NCKAP5: variants seen among roughly 807,000 people sequenced by gnomAD.
The protein encoded by NCKAP5 is NCK associated protein 5.
Under a neutral mutation model 167.0 loss-of-function variants are expected in NCKAP5, and 92 were observed. That is an observed-to-expected ratio of 0.55 (90% CI 0.47 to 0.66). The LOEUF (loss-of-function observed/expected upper bound fraction) is 0.66. Among genes scored for constraint, NCKAP5 ranks in the 30% least tolerant of loss-of-function variants. The probability of loss-of-function intolerance (pLI) is 0.00; values close to 1 mark genes in which losing one functional copy is unlikely to be tolerated. For missense variants in NCKAP5, 2,378 were observed against 2,315.0 expected, an observed-to-expected ratio of 1.03 and a Z score of -0.56; for synonymous variants, 891 against 877.4, an observed-to-expected ratio of 1.02 and a Z score of -0.27.
At chr2:132,907,181 C>A (rs1245069757) in intron 8 of NCKAP5, among the ~76,000 whole-genome samples, 1 of 152,150 alleles carries the variant, frequency 6.6e-6, no homozygotes, top group Non-Finnish European at 1.5e-5. Context: ...TAAGGAAATA[C>A]AAATACCTAG....
intron 4 of NCKAP5, among the ~76,000 whole-genome samples, chr2:133,228,871 G>A (rs528482874): frequency 6.6e-6 from 1 of 152,254 alleles, no homozygotes; most frequent in East Asian, 1.9e-4. Context: ...ATCAAATCGT[G>A]ACCAAATGTG....
At chr2:133,493,224 A>G (rs963097418) in intron 3 of NCKAP5, among the ~76,000 whole-genome samples, 1 of 152,176 alleles carries the variant, frequency 6.6e-6, no homozygotes, top group African/African-American at 2.4e-5. Context: ...TTGCTGTTAC[A>G]CTTCAGTGTG....
rs530443231 is a variant in NCKAP5 at position 133,219,395 on chromosome 2, G to A, written c.144-5616C>T. On this transcript the variant is annotated intron_variant, in intron 4 of 19. Coordinates refer to ENST00000409261, the MANE Select transcript of NCKAP5 (RefSeq NM_207363.3). ...AAATGTCTTTTGGGGACCATGCTCC[G>A]TAATTGTTTTAAGACATTTATGCAG... Among the ~76,000 whole-genome samples, 8 of 152,280 alleles carry A rather than the reference G, an allele frequency of 5.3e-5. No homozygotes were observed. The East Asian group carries it at 1.4e-3, about 26-fold the overall frequency.
chr2:133,341,141 C>A (rs1187635863), intron 3 of NCKAP5, among the ~76,000 whole-genome samples: 14 of 151,988 alleles, frequency 9.2e-5, no homozygotes, highest in Admixed American at 9.2e-4. Flanking sequence ...CTCCTACAAC[C>A]ACATTCTTTT....
intron 3 of NCKAP5, among the ~76,000 whole-genome samples, chr2:133,384,346 C>T (rs1454323811): frequency 1.2e-4 from 18 of 152,202 alleles, no homozygotes; most frequent in Non-Finnish European, 1.8e-4. Context: ...TTGTCAGGTT[C>T]GTCAAAGATC....
At chr2:133,101,223 C>A (rs372413053) in intron 6 of NCKAP5, among the ~76,000 whole-genome samples, 1 of 143,412 alleles carries the variant, frequency 7.0e-6, no homozygotes, top group Non-Finnish European at 1.5e-5. Context: ...AGATATGTGG[C>A]GTTATTTCTG....
At chr2:133,362,829 C>T (rs1219613584) in intron 3 of NCKAP5, among the ~76,000 whole-genome samples, 2 of 152,160 alleles carry the variant, frequency 1.3e-5, no homozygotes, top group Non-Finnish European at 2.9e-5. Context: ...TCTCAGCTCA[C>T]TGCAAGCTCT....
chr2:133,236,365 A>G (rs1210785217), intron 4 of NCKAP5, among the ~76,000 whole-genome samples: 1 of 152,178 alleles, frequency 6.6e-6, no homozygotes, highest in African/African-American at 2.4e-5. Flanking sequence ...CATAACTACT[A>G]TGAATAAGGA....
At chr2:133,293,446 T>G (rs555626078) in intron 4 of NCKAP5, among the ~76,000 whole-genome samples, 130 of 152,248 alleles carry the variant, frequency 8.5e-4, no homozygotes, top group African/African-American at 3.0e-3. Context: ...TGCAAGGTGA[T>G]ATCTTCTGGG....
intron 3 of NCKAP5, among the ~76,000 whole-genome samples, chr2:133,309,183 T>C (rs1237879100): frequency 6.6e-6 from 1 of 152,188 alleles, no homozygotes; most frequent in Non-Finnish European, 1.5e-5. Context: ...TATGGGCTAA[T>C]TTAATTTTCT....
intron 5 of NCKAP5, among the ~76,000 whole-genome samples, chr2:133,186,168 G>T (rs2084937717): frequency 6.6e-6 from 1 of 152,124 alleles, no homozygotes; most frequent in African/African-American, 2.4e-5. Context: ...TTTTTATCAT[G>T]AAGTGATGTT....
chr2:133,398,290 T>C (rs1199708001), intron 3 of NCKAP5, among the ~76,000 whole-genome samples: 1 of 152,230 alleles, frequency 6.6e-6, no homozygotes, highest in Non-Finnish European at 1.5e-5. Flanking sequence ...TGCTATGTGA[T>C]AAATAGCTTG....
chr2:133,595,899 T>A, the NCKAP5 span, among the ~76,000 whole-genome samples: 4 of 152,180 alleles, frequency 2.6e-5, no homozygotes, highest in East Asian at 3.9e-4. Context: ...TTACAATTTT[T>A]AAAAATCATT....
At chr2:133,601,092 G>A in the NCKAP5 span, among the ~76,000 whole-genome samples, 8 of 152,130 alleles carry the variant, frequency 5.3e-5, no homozygotes, top group South Asian at 4.1e-4. Context: ...TGAAGGTGAC[G>A]CTTACCACTT....
the NCKAP5 span, among the ~76,000 whole-genome samples, chr2:133,623,604 C>T: frequency 6.6e-6 from 1 of 151,660 alleles, no homozygotes; most frequent in African/African-American, 2.4e-5. Flanking sequence ...AATGCAATAC[C>T]ATCTCACTCC....
At chr2:132,973,606 G>A (rs967074396) in intron 7 of NCKAP5, among the ~76,000 whole-genome samples, 2 of 151,964 alleles carry the variant, frequency 1.3e-5, no homozygotes, top group Non-Finnish European at 2.9e-5. Context: ...TGAAGTTCAG[G>A]GGTTTTTAAT....
At chr2:133,632,842 A>G in the NCKAP5 span, among the ~76,000 whole-genome samples, 2 of 152,258 alleles carry the variant, frequency 1.3e-5, no homozygotes, top group East Asian at 1.9e-4. Flanking sequence ...GCCAAAAGTG[A>G]GAAAGACAAT....
chr2:133,352,281 C>G (rs555458103), intron 3 of NCKAP5, among the ~76,000 whole-genome samples: 1 of 152,314 alleles, frequency 6.6e-6, no homozygotes, highest in South Asian at 2.1e-4. Context: ...GAATGGAAGC[C>G]CCATGAGGGC....
intron 6 of NCKAP5, among the ~76,000 whole-genome samples, chr2:133,077,818 A>G (rs1423881576): frequency 6.6e-6 from 1 of 152,174 alleles, no homozygotes; most frequent in East Asian, 1.9e-4. Context: ...CCTTTTTAAA[A>G]TGAAGCCTAG....
Sources: gnomAD v4.1 joint callset for allele counts (sites outside exome capture counted in the v4.1 genomes callset) on GRCh38, gnomAD v4.1.1 for gene constraint, MANE v1.5 for transcripts, NCBI Gene and HGNC (gene_info 2026-07-23, HGNC 2026-07-21) for gene names.